The following FERMT3 variants were observed in gnomAD, a reference collection of about 807,000 sequenced individuals.
FERMT3 encodes the protein fermitin family homolog 3.
FERMT3 carries 33 observed loss-of-function variants against 80.8 expected under a neutral mutation model. That is an observed-to-expected ratio of 0.41 (90% CI 0.31 to 0.55). The LOEUF is 0.55. FERMT3 is among the 20% of genes least tolerant of loss of function. FERMT3 has a pLI of 0.31. For synonymous variants in FERMT3, 375 were observed against 372.2 expected, an observed-to-expected ratio of 1.01 and a Z score of -0.09; for missense variants, 754 against 908.7, an observed-to-expected ratio of 0.83 and a Z score of 2.19.
At chr11:64,220,812 C>T in intron 12 of FERMT3, 143 bp downstream of exon 12, 1 of 1,270,984 alleles carries the variant, frequency 7.9e-7, no homozygotes. Flanking sequence ...GCGGCTGGTA[C>T]CCACCCTTTG....
chr11:64,211,534 T>A lies in FERMT3; in HGVS notation c.683+91T>A. On this transcript the variant is annotated intron_variant, in intron 5 of 14. Coordinates refer to ENST00000345728, the MANE Select transcript of FERMT3 (RefSeq NM_031471.6). The surrounding 1 kb of genome is among the most constrained non-coding windows in gnomAD (Gnocchi z 4.7). ...GTCTGTGCCCACCCCAGATCCACACTTCGTTTCCAGGCCTTTTCTCTGTGT... is the reference window on the plus strand; with the variant it reads ...GTCTGTGCCCACCCCAGATCCACACATCGTTTCCAGGCCTTTTCTCTGTGT... The A allele has an allele frequency of 6.7e-7, 1 of 1,489,940 alleles. No homozygotes were observed. The highest frequency in any genetic ancestry group is 9.0e-7 in the Non-Finnish European group (1 of 1,106,820). The allele number at this position is 1,489,940 out of a possible 1,614,324, so 92.3% of individuals were successfully genotyped here.
Position 64,210,960 on chromosome 11 carries a change from C to T in FERMT3, c.395-92C>T. 2 of 1,606,538 alleles carry T rather than the reference C, an allele frequency of 1.2e-6. No individual in the cohort carries two copies. The highest frequency in any genetic ancestry group is 1.3e-5 in the African/African-American group (1 of 74,784). On this transcript the variant is annotated intron_variant, in intron 3 of 14. Coordinates refer to ENST00000345728, the MANE Select transcript of FERMT3 (RefSeq NM_031471.6). This position sits in a 1 kb window ranked among gnomAD's most constrained non-coding sequence, Gnocchi z 4.3. ...CTTGCTGTCTGGGTTGCCACCCTGC[C>T]TGCAGGGCTGTGACCCGCCCCAAGC...
In FERMT3 at chr11:64,223,345, G is replaced by A; in HGVS notation, c.1845G>A (p.Val615=). 1 of 1,614,098 alleles carries A rather than the reference G, an allele frequency of 6.2e-7. No homozygotes were observed. The highest frequency in any genetic ancestry group is 1.3e-5 in the African/African-American group (1 of 75,078). The part of the protein sequence containing the change: ...VAIEFDEHIN[V]AFSCVSASCR... The stretch of plus-strand genomic sequence containing the variant: ...TCGAGTTTGATGAACACATCAATGT[G>A]GCCTTCAGCTGCGTGTCTGCCAGCT... The change falls in exon 15 of 15, where the codon GTG becomes GTA. Residue 615 remains valine (V), a synonymous_variant. Coordinates refer to ENST00000345728, the MANE Select transcript of FERMT3 (RefSeq NM_031471.6).
Position 64,219,392 on chromosome 11 carries a change from G to A in FERMT3, c.894+34G>A. ...CGGGCCTGGGGGCACCAGGGCAGGT[G>A]GGAGGTGAGCCAGTCCCAGGGCAGG... On this transcript the variant is annotated intron_variant, in intron 7 of 14. Transcript: ENST00000345728. This position sits in a 1 kb window ranked among gnomAD's most constrained non-coding sequence, Gnocchi z 4.0. 1 of 1,572,026 alleles carries A rather than the reference G, an allele frequency of 6.4e-7. No individual in the cohort carries two copies. The highest frequency in any genetic ancestry group is 1.2e-5 in the South Asian group (1 of 86,358).
intron 6 of FERMT3, among the ~76,000 whole-genome samples, chr11:64,214,413 T>C (rs1018569191): frequency 1.3e-5 from 2 of 152,182 alleles, no homozygotes; most frequent in African/African-American, 4.8e-5. Context: ...TGGTGTGATC[T>C]TGGCTCACTG....
In FERMT3 at chr11:64,210,946, G is replaced by A; in HGVS notation, c.394+102G>A. 1 of 1,607,526 alleles carries A rather than the reference G, an allele frequency of 6.2e-7. No individual in the cohort carries two copies. The highest frequency in any genetic ancestry group is 2.2e-5 in the East Asian group (1 of 44,532). On this transcript the variant is annotated intron_variant, in intron 3 of 14. Coordinates refer to ENST00000345728, the MANE Select transcript of FERMT3 (RefSeq NM_031471.6). The surrounding 1 kb of genome is among the most constrained non-coding windows in gnomAD (Gnocchi z 4.3). Reference sequence around the variant, plus strand: ...CTGTTGACGCTGTCCTTGCTGTCTGGGTTGCCACCCTGCCTGCAGGGCTGT... The same window carrying A: ...CTGTTGACGCTGTCCTTGCTGTCTGAGTTGCCACCCTGCCTGCAGGGCTGT...
At position 64,211,874 on chromosome 11, in the gene FERMT3, A is replaced by T; in HGVS notation, c.786+127A>T. 2.3e-6 allele frequency: 2 copies of T among 881,010 alleles called. No individual in the cohort carries two copies. Among genetic ancestry groups the T allele is most frequent in the South Asian group, 1.4e-5 (1 of 69,666 alleles). The allele number at this position is 881,010 out of a possible 1,614,324, so 54.6% of individuals were successfully genotyped here. On this transcript the variant is annotated intron_variant, in intron 6 of 14. Coordinates refer to ENST00000345728, the MANE Select transcript of FERMT3 (RefSeq NM_031471.6). This position sits in a 1 kb window ranked among gnomAD's most constrained non-coding sequence, Gnocchi z 4.7. Reference sequence around the variant, plus strand: ...TCCGTCTGCCCGTTTGTCCATCCACACCTTTGTTTACTGACCCCACAAACA... The same window carrying T: ...TCCGTCTGCCCGTTTGTCCATCCACTCCTTTGTTTACTGACCCCACAAACA...
rs564352368 is a variant in FERMT3 at position 64,211,967 on chromosome 11, G to A, written c.786+220G>A. Among the ~76,000 whole-genome samples the A allele has an allele frequency of 1.3e-5, 2 of 152,328 alleles. No individual in the cohort carries two copies. Among genetic ancestry groups the A allele is most frequent in the East Asian group, 3.9e-4 (2 of 5,184 alleles). On this transcript the variant is annotated intron_variant, in intron 6 of 14. Transcript: ENST00000345728. This position sits in a 1 kb window ranked among gnomAD's most constrained non-coding sequence, Gnocchi z 4.7. Reference sequence around the variant, plus strand: ...CTGGGCCCCGGGCAGATGCTGAAGCGGATGAAGACCAGTAAGTCTCAGTGC... The same window carrying A: ...CTGGGCCCCGGGCAGATGCTGAAGCAGATGAAGACCAGTAAGTCTCAGTGC...
chr11:64,220,865 G>T, intron 12 of FERMT3, 151 bp from the exon 13 acceptor site: 2 of 1,449,764 alleles, frequency 1.4e-6, no homozygotes, highest in Non-Finnish European at 1.9e-6. Flanking sequence ...CTTGCAGCCT[G>T]GCGCAGTGCA....
At chr11:64,215,786 T>C (rs868050570) in intron 6 of FERMT3, among the ~76,000 whole-genome samples, 25 of 151,566 alleles carry the variant, frequency 1.6e-4, no homozygotes, top group Middle Eastern at 3.4e-3. Flanking sequence ...GTTGCCCAGA[T>C]TGGGTCTCAA....
At chr11:64,220,854 C>T (rs1405080678) in intron 12 of FERMT3, 162 bp from the exon 13 acceptor site, 4 of 1,417,588 alleles carry the variant, frequency 2.8e-6, no homozygotes, top group Non-Finnish European at 3.9e-6. Context: ...CCCATGTCCA[C>T]CTTGCAGCCT....
At chr11:64,218,341 T>C (rs992076005) in intron 6 of FERMT3, among the ~76,000 whole-genome samples, 1 of 151,392 alleles carries the variant, frequency 6.6e-6, no homozygotes, top group Non-Finnish European at 1.5e-5. Context: ...TCTCACTCTA[T>C]CCCCCAAGCT....
chr11:64,220,084 A>C (rs373668796), intron 10 of FERMT3, 69 bp downstream of exon 10: 123 of 1,597,908 alleles, frequency 7.7e-5, no homozygotes, highest in East Asian at 7.4e-4. Flanking sequence ...GAATGCTCTC[A>C]CCGGCCCTGT....
chr11:64,217,093 G>A (rs932529386), intron 6 of FERMT3, among the ~76,000 whole-genome samples: 3 of 152,198 alleles, frequency 2.0e-5, no homozygotes, highest in Non-Finnish European at 2.9e-5. Context: ...AGGCGATGGG[G>A]CCGGGCTGCC....
intron 12 of FERMT3, 49 bp from the exon 13 acceptor site, chr11:64,220,967 G>A: frequency 6.3e-7 from 1 of 1,599,448 alleles, no homozygotes; most frequent in Non-Finnish European, 8.5e-7. Context: ...CGGTGACTCT[G>A]GAGGAGGGGA....
rs774682061 is a variant in FERMT3 at position 64,220,491 on chromosome 11, C to A, written c.1367C>A (p.Thr456Asn). The change falls in exon 12 of 15, where the codon ACC becomes AAC. Residue 456 changes from threonine to asparagine, a missense_variant. By Grantham distance (65) the Thr-to-Asn change is moderately conservative (BLOSUM62 0). Transcript: ENST00000345728. ...AGCRLASKGR[T>N]MADSSYTSEV... ...TGCCGCCTGGCCTCCAAAGGCCGCA[C>A]CATGGCCGACAGCAGCTACACCAGC... 6.2e-7 allele frequency: 1 copy of A among 1,609,162 alleles called. No homozygotes were observed. The highest frequency in any genetic ancestry group is 8.5e-7 in the Non-Finnish European group (1 of 1,178,304).
intron 6 of FERMT3, among the ~76,000 whole-genome samples, chr11:64,217,049 G>A (rs542156111): frequency 6.6e-6 from 1 of 152,292 alleles, no homozygotes; most frequent in African/African-American, 2.4e-5. Flanking sequence ...CCCTGAGTGT[G>A]TGAGTAGGGC....
At chr11:64,209,544 CAGG>C (rs912400833) in intron 2 of FERMT3, among the ~76,000 whole-genome samples, 12 of 152,286 alleles carry the variant, frequency 7.9e-5, no homozygotes, top group South Asian at 4.1e-4. Context: ...CCAGAGAGGA[CAGG>C]AGAAGAGCAA....
chr11:64,211,405 G>A lies in FERMT3; in HGVS notation c.645G>A (p.Arg215=). The A allele has an allele frequency of 6.2e-7, 1 of 1,603,122 alleles. No individual in the cohort carries two copies. Among genetic ancestry groups the A allele is most frequent in the South Asian group, 1.1e-5 (1 of 89,668 alleles). ...CCCTCCTGCTCCAGCGTCTGCCACG[G>A]CCCAGCTCCCTGTCAGACAAGACCC... is the stretch of plus-strand genomic sequence containing the variant. ...PDPLLLQRLP[R]PSSLSDKTQL... is the part of the protein sequence containing the mutation. The change falls in exon 5 of 15, where the codon CGG becomes CGA. Residue 215 remains arginine (R), a synonymous_variant. Coordinates refer to ENST00000345728, the MANE Select transcript of FERMT3 (RefSeq NM_031471.6). This position sits in a 1 kb window ranked among gnomAD's most constrained non-coding sequence, Gnocchi z 4.7.
Sources: allele counts gnomAD v4.1 joint callset (sites outside exome capture counted in the v4.1 genomes callset), GRCh38; gene constraint gnomAD v4.1.1; non-coding constraint Gnocchi (gnomAD v3.1); transcripts MANE v1.5; gene names NCBI Gene and HGNC (gene_info 2026-07-23, HGNC 2026-07-21).